TTLL11: variants seen among roughly 807,000 people sequenced by gnomAD.
The protein encoded by TTLL11 is tubulin tyrosine ligase like 11, also known as tubulin polyglutamylase TTLL11.
Under a neutral mutation model 51.7 loss-of-function variants are expected in TTLL11, and 42 were observed. The ratio of observed to expected loss-of-function variants is 0.81; its 90% CI spans 0.64 to 1.05. The LOEUF (loss-of-function observed/expected upper bound fraction) is 1.05. Ranked by LOEUF, TTLL11 falls within the 50% of genes least tolerant of loss-of-function variation. The pLI, the probability that TTLL11 is intolerant of heterozygous loss-of-function variation, is 0.00. For synonymous variants in TTLL11, 381 were observed against 383.5 expected (o/e 0.99, Z 0.08); for missense variants, 799 against 940.4 (o/e 0.85, Z 1.97).
At chr9:122,081,809 A>G (rs1210156251) in intron 1 of TTLL11, among the ~76,000 whole-genome samples, 4 of 152,240 alleles carry the variant, frequency 2.6e-5, no homozygotes, top group African/African-American at 4.8e-5. Context: ...ACAGGGGGAA[A>G]TATTTACAAT....
intron 8 of TTLL11, among the ~76,000 whole-genome samples, chr9:121,831,776 G>A (rs114435899): frequency 0.015 from 2,215 of 151,916 alleles, 51 homozygotes; most frequent in African/African-American, 0.051. Context: ...AAGAGCCTTT[G>A]GGGACACAGA....
chr9:121,955,688 C>T (rs1841995906), intron 6 of TTLL11, among the ~76,000 whole-genome samples: 1 of 152,184 alleles, frequency 6.6e-6, no homozygotes, highest in Non-Finnish European at 1.5e-5. Flanking sequence ...AGGCTACATC[C>T]TCATTTATAA....
In TTLL11 at chr9:121,989,709, C is replaced by T. The variant is rs1330004239; in HGVS notation, c.755G>A (p.Gly252Asp). 6.2e-7 allele frequency: 1 copy of T among 1,612,804 alleles called. No individual in the cohort carries two copies. The highest frequency in any genetic ancestry group is 1.3e-5 in the African/African-American group (1 of 74,890). ...WKPTFIVKPD[G>D]GCQGDGIYLI... ...GTAGATTCCATCACCCTGACAACCA[C>T]CATCAGGTTTCACGATAAAAGTGGG... Residue 252 changes from glycine (G) to aspartate (D), a missense_variant, in exon 4 of 9, where the codon GGT becomes GAT. By Grantham distance (94) the Gly-to-Asp change is moderately conservative (BLOSUM62 -1). Around this residue, in one of 3 missense-constraint regions of TTLL11, gnomAD observed 468 missense variants for 612.8 expected, o/e 0.76. Coordinates refer to ENST00000321582, the MANE Select transcript of TTLL11 (RefSeq NM_001139442.2). This position sits in a 1 kb window ranked among gnomAD's most constrained non-coding sequence, Gnocchi z 4.2.
rs373526608 is a variant in TTLL11 at position 121,900,646 on chromosome 9, C to T, written c.1482-29898G>A. On this transcript the variant is annotated intron_variant, in intron 6 of 8. Coordinates refer to ENST00000321582, the MANE Select transcript of TTLL11 (RefSeq NM_001139442.2). The stretch of plus-strand genomic sequence containing the variant: ...TGTATGACCTTCTTATTCTATCCTA[C>T]ATTCTTAAAATTCTTCCATTGTGTT... 9.2e-5 allele frequency among the ~76,000 whole-genome samples: 14 copies of T among 152,274 alleles called. 1 individual carries two copies. The highest frequency in any genetic ancestry group is 5.8e-4 in the East Asian group (3 of 5,186).
intron 6 of TTLL11, among the ~76,000 whole-genome samples, chr9:121,897,891 CCT>C (rs1450130588): frequency 6.6e-6 from 1 of 151,596 alleles, no homozygotes; most frequent in Non-Finnish European, 1.5e-5. Context: ...TCTCTTTTCT[CCT>C]CTCCTTCCCT....
chr9:122,078,217 G>A (rs1249190089), intron 1 of TTLL11, among the ~76,000 whole-genome samples: 1 of 151,998 alleles, frequency 6.6e-6, no homozygotes, highest in Non-Finnish European at 1.5e-5. Flanking sequence ...AGCAAGCCAT[G>A]AAATAGAAAA....
At chr9:121,962,589 A>G (rs1305393031) in intron 6 of TTLL11, among the ~76,000 whole-genome samples, 1 of 152,230 alleles carries the variant, frequency 6.6e-6, no homozygotes. Context: ...GTCTACTATC[A>G]GTGATTTCAT....
chr9:121,949,899 G>A (rs1208770197), intron 6 of TTLL11, among the ~76,000 whole-genome samples: 1 of 151,924 alleles, frequency 6.6e-6, no homozygotes, highest in Non-Finnish European at 1.5e-5. Context: ...CTCTGCCCCA[G>A]GCAACATGTC....
intron 3 of TTLL11, among the ~76,000 whole-genome samples, chr9:122,017,897 A>T (rs1844036931): frequency 6.6e-6 from 1 of 152,180 alleles, no homozygotes. Context: ...TTAAAGAAAA[A>T]AGAAGCCTTT....
chr9:121,862,445 C>A (rs1838040696), intron 7 of TTLL11, among the ~76,000 whole-genome samples: 1 of 152,150 alleles, frequency 6.6e-6, no homozygotes, highest in Non-Finnish European at 1.5e-5. Context: ...ATTGTGAGTT[C>A]CCTTCCCCAA....
chr9:122,027,874 C>T (rs922536019), intron 3 of TTLL11, among the ~76,000 whole-genome samples: 1 of 152,132 alleles, frequency 6.6e-6, no homozygotes, highest in African/African-American at 2.4e-5. Flanking sequence ...GACAAATGTA[C>T]TAATCTTTTA....
intron 6 of TTLL11, among the ~76,000 whole-genome samples, chr9:121,956,609 C>T (rs1208345843): frequency 6.6e-6 from 1 of 152,200 alleles, no homozygotes; most frequent in Non-Finnish European, 1.5e-5. Context: ...TGCTGAGAGC[C>T]CAGTGCCAAG....
At chr9:122,028,552 C>T (rs576774570) in intron 3 of TTLL11, among the ~76,000 whole-genome samples, 1 of 152,170 alleles carries the variant, frequency 6.6e-6, no homozygotes, top group Non-Finnish European at 1.5e-5. Flanking sequence ...ACTGACAGAA[C>T]TAAAAAGAGA....
chr9:122,039,453 C>G (rs1168771643), intron 1 of TTLL11, 85 bp from the exon 2 acceptor site: 1 of 1,017,958 alleles, frequency 9.8e-7, no homozygotes, highest in Non-Finnish European at 1.5e-6. Flanking sequence ...ATTCCTGGCA[C>G]CCTGGTGTAC....
At chr9:121,949,032 C>A (rs1306138635) in intron 6 of TTLL11, among the ~76,000 whole-genome samples, 1 of 152,102 alleles carries the variant, frequency 6.6e-6, no homozygotes, top group Non-Finnish European at 1.5e-5. Context: ...GCTGGGCCAG[C>A]CTCTCACACA....
chr9:121,979,444 C>A (rs1371722241), intron 4 of TTLL11, among the ~76,000 whole-genome samples: 1 of 152,230 alleles, frequency 6.6e-6, no homozygotes, highest in South Asian at 2.1e-4. Flanking sequence ...TGCTACACAG[C>A]AATAGATAAC....
At chr9:121,904,026 G>A (rs1281233131) in intron 6 of TTLL11, among the ~76,000 whole-genome samples, 1 of 152,228 alleles carries the variant, frequency 6.6e-6, no homozygotes, top group Non-Finnish European at 1.5e-5. Flanking sequence ...GGCTAAGCCT[G>A]TCCATGAAAC....
intron 6 of TTLL11, among the ~76,000 whole-genome samples, chr9:121,941,784 G>A (rs1175916895): frequency 2.0e-5 from 3 of 152,042 alleles, no homozygotes; most frequent in Non-Finnish European, 4.4e-5. Flanking sequence ...TGTGTGGCAC[G>A]GATCAGTACT....
At position 121,817,442 on chromosome 9, in the gene TTLL11, C is replaced by T. The variant is rs7848500; in HGVS notation, c.*5145G>A. ...TGAAGATAACACTACGTTTGAGCAG[C>T]GCCTTCGTTTACAAAACACTTTCAC... On this transcript the variant is annotated 3_prime_UTR_variant, in exon 9 of 9. Coordinates refer to ENST00000321582, the MANE Select transcript of TTLL11 (RefSeq NM_001139442.2). The T allele has an allele frequency of 0.39, 58,876 of 152,022 alleles. 12,138 individuals carry two copies. The highest frequency in any genetic ancestry group is 0.53 in the African/African-American group (21,886 of 41,448). The allele number at this position is 152,022 out of a possible 1,614,324, so 9.4% of individuals were successfully genotyped here.
Sources: gnomAD v4.1 joint callset for allele counts (sites outside exome capture counted in the v4.1 genomes callset) on GRCh38, gnomAD v4.1.1 for gene constraint, gnomAD v4.1.1 regional missense constraint, Gnocchi (gnomAD v3.1) non-coding constraint, MANE v1.5 for transcripts, NCBI Gene and HGNC (gene_info 2026-07-23, HGNC 2026-07-21) for gene names.